CABIN1: variants seen among roughly 807,000 people sequenced by gnomAD.
CABIN1 encodes calcineurin binding protein 1.
In CABIN1, 133 loss-of-function variants were observed where a neutral mutation model predicts 227.7. The observed-to-expected ratio is 0.58, with a 90% confidence interval of 0.51 to 0.67. The LOEUF (loss-of-function observed/expected upper bound fraction) is 0.67. Ranked by LOEUF, CABIN1 falls within the 30% of genes least tolerant of loss-of-function variation. CABIN1 has a pLI of 0.00. For missense variants in CABIN1, 2,408 were observed against 2,852.5 expected (o/e 0.84, Z 3.55); for synonymous variants, 1,086 against 1,155.1 (o/e 0.94, Z 1.21).
In CABIN1 at chr22:24,085,082, A is replaced by G; in HGVS notation, c.3194A>G (p.His1065Arg). 6.2e-7 allele frequency: 1 copy of G among 1,614,052 alleles called. No individual in the cohort carries two copies. Among genetic ancestry groups the G allele is most frequent in the Non-Finnish European group, 8.5e-7 (1 of 1,180,012 alleles). ...NELYYLLADYHFKNKEQSKAI... is the reference protein window; with the variant it reads ...NELYYLLADYRFKNKEQSKAI... Reference sequence around the variant, plus strand: ...CTTTACTACCTCCTGGCTGATTATCATTTCAAAAACAAGGAGCAGTCCAAG... The same window carrying G: ...CTTTACTACCTCCTGGCTGATTATCGTTTCAAAAACAAGGAGCAGTCCAAG... The change falls in exon 22 of 37, where the codon CAT becomes CGT. Residue 1065 changes from histidine to arginine, a missense_variant. Physicochemically the swap from His to Arg is conservative, Grantham distance 29 (BLOSUM62 0). Transcript: ENST00000263119.
rs2041868964 is a variant in CABIN1, at chr22:24,095,974, A to T, written c.3830A>T (p.Lys1277Met). 6.2e-7 allele frequency: 1 copy of T among 1,613,994 alleles called. No homozygotes were observed. Among genetic ancestry groups the T allele is most frequent in the Non-Finnish European group, 8.5e-7 (1 of 1,180,010 alleles). ...GCTTCCATCCTGAAGCTCCTGGGGA[A>T]GCCCGATTCTGGGGTTGGTGCAGAG... Reference protein sequence around the residue: ...LHASILKLLGKPDSGVGAEVL... With the variant: ...LHASILKLLGMPDSGVGAEVL... Residue 1277 changes from lysine (K) to methionine (M), a missense_variant, in exon 25 of 37, where the codon AAG becomes ATG. By Grantham distance (95) the Lys-to-Met change is moderately conservative. Coordinates refer to ENST00000263119, the MANE Select transcript of CABIN1 (RefSeq NM_012295.4).
intron 5 of CABIN1, among the ~76,000 whole-genome samples, chr22:24,041,726 A>G (rs1164976203): frequency 1.3e-5 from 2 of 152,258 alleles, no homozygotes; most frequent in Non-Finnish European, 2.9e-5. Flanking sequence ...TCATGTTACT[A>G]TCAGTCTGTC....
At chr22:24,018,222 C>T (rs2035447519) in intron 1 of CABIN1, among the ~76,000 whole-genome samples, 1 of 152,034 alleles carries the variant, frequency 6.6e-6, no homozygotes, top group South Asian at 2.1e-4. Context: ...GTATATGTTG[C>T]AAATATTTTC....
At chr22:24,041,904 G>A (rs769255491) in intron 5 of CABIN1, among the ~76,000 whole-genome samples, 1 of 152,114 alleles carries the variant, frequency 6.6e-6, no homozygotes. Context: ...GTGAACCAAG[G>A]TTTGTCTTCA....
chr22:24,078,230 G>T (rs2040569281), intron 19 of CABIN1, among the ~76,000 whole-genome samples: 1 of 152,116 alleles, frequency 6.6e-6, no homozygotes, highest in Non-Finnish European at 1.5e-5. Flanking sequence ...TGGGACCAGG[G>T]ACCTTTTCTG....
At position 24,062,067 on chromosome 22, in the gene CABIN1, A is replaced by G. The variant is rs530057248; in HGVS notation, c.1696+42A>G. 103 of 1,505,302 alleles carry G rather than the reference A, an allele frequency of 6.8e-5. 1 individual carries two copies. The Middle Eastern group carries it at 2.0e-3, about 30-fold the overall frequency. 93.2% of individuals were successfully genotyped at this position (1,505,302 alleles called of 1,614,324 possible). On this transcript the variant is annotated intron_variant, in intron 13 of 36. Coordinates refer to ENST00000263119, the MANE Select transcript of CABIN1 (RefSeq NM_012295.4). ...GTTCTGTGGCCAGGCTAATATCTGA[A>G]CCCCCAGCAGCTGGGAGAAAGCTGA...
chr22:24,091,229 G>T (rs2069765276), intron 23 of CABIN1, among the ~76,000 whole-genome samples: 1 of 152,216 alleles, frequency 6.6e-6, no homozygotes, highest in African/African-American at 2.4e-5. Flanking sequence ...CAGTGCCGTA[G>T]GGCTGGGTGC....
Position 24,011,879 on chromosome 22 carries a change from C to T in CABIN1, c.-75+512C>T, listed in dbSNP as rs145903905. Among the ~76,000 whole-genome samples the T allele has an allele frequency of 8.0e-3, 1,212 of 152,342 alleles. 6 individuals carry two copies. Among genetic ancestry groups the T allele is most frequent in the South Asian group, 0.014 (70 of 4,828 alleles). Reference sequence around the variant, plus strand: ...TCACTGCCTCCCCGCAAGAGGCGGGCCCTGGCCAGATGGAACTCACCTGGC... The same window carrying T: ...TCACTGCCTCCCCGCAAGAGGCGGGTCCTGGCCAGATGGAACTCACCTGGC... On this transcript the variant is annotated intron_variant, in intron 1 of 36. Transcript: ENST00000263119.
chr22:24,117,975 G>A (rs1474508910), intron 27 of CABIN1, among the ~76,000 whole-genome samples: 4 of 152,230 alleles, frequency 2.6e-5, no homozygotes, highest in African/African-American at 9.7e-5. Flanking sequence ...GTGGGACGCA[G>A]GCAACTTCTT....
At chr22:24,034,790 G>A (rs1569097838) in intron 1 of CABIN1, among the ~76,000 whole-genome samples, 1 of 152,210 alleles carries the variant, frequency 6.6e-6, no homozygotes, top group Non-Finnish European at 1.5e-5. Flanking sequence ...CTTCAGACTA[G>A]TCTGCCTATC....
chr22:24,035,581 G>A, intron 2 of CABIN1, 61 bp downstream of exon 2: 1 of 1,600,660 alleles, frequency 6.2e-7, no homozygotes, highest in Non-Finnish European at 8.6e-7. Flanking sequence ...GTTACTCCTG[G>A]GGGCGAGGGG....
intron 1 of CABIN1, among the ~76,000 whole-genome samples, chr22:24,019,952 T>G (rs2035603111): frequency 6.6e-6 from 1 of 152,036 alleles, no homozygotes; most frequent in Non-Finnish European, 1.5e-5. Context: ...TCACTGTGCT[T>G]GGCCTTTACC....
At chr22:24,098,697 T>C (rs1308351039) in intron 26 of CABIN1, among the ~76,000 whole-genome samples, 1 of 152,162 alleles carries the variant, frequency 6.6e-6, no homozygotes, top group Admixed American at 6.5e-5. Flanking sequence ...TGGGACCATA[T>C]GTGTGGCCAT....
rs771030722 is a variant in CABIN1 at position 24,098,073 on chromosome 22, C to T, written c.3998C>T (p.Pro1333Leu). The change falls in exon 26 of 37, where the codon CCC becomes CTC. Residue 1333 changes from proline to leucine, a missense_variant. By Grantham distance (98) the Pro-to-Leu change is moderately conservative (BLOSUM62 -3). This residue lies in a region of CABIN1 where 649 missense variants were observed against 910.3 expected (regional missense o/e 0.71). Transcript: ENST00000263119. ...SHSSAGTLPG[P>L]GASLPSSSGP... ...TCTTCAGCTGGGACACTGCCGGGCC[C>T]CGGAGCCTCCCTCCCCTCCTCCTCT... The T allele has an allele frequency of 1.9e-6, 3 of 1,614,156 alleles. No individual in the cohort carries two copies. Among genetic ancestry groups the T allele is most frequent in the Admixed American group, 3.3e-5 (2 of 60,030 alleles).
chr22:24,077,023 G>A (rs2040490484), intron 19 of CABIN1, among the ~76,000 whole-genome samples: 1 of 152,232 alleles, frequency 6.6e-6, no homozygotes, highest in African/African-American at 2.4e-5. Flanking sequence ...TTGCAGTAGA[G>A]TGGCAGAGTG....
At position 24,165,226 on chromosome 22, in the gene CABIN1, C is replaced by G. The variant is rs546770103; in HGVS notation, c.4911-304C>G. 2.1e-3 allele frequency among the ~76,000 whole-genome samples: 318 copies of G among 152,342 alleles called. 1 individual carries two copies. The highest frequency in any genetic ancestry group is 6.8e-3 in the Middle Eastern group (2 of 294). On this transcript the variant is annotated intron_variant, in intron 30 of 36. Coordinates refer to ENST00000263119, the MANE Select transcript of CABIN1 (RefSeq NM_012295.4). ...GAGTTCAGGGGCCTCCAGCTGGGGCCTGGGGCACCCTGGAGCCAGACCTGA... is the reference window on the plus strand; with the variant it reads ...GAGTTCAGGGGCCTCCAGCTGGGGCGTGGGGCACCCTGGAGCCAGACCTGA...
rs532619939 is a variant in CABIN1, at chr22:24,072,401, C to T, written c.2523C>T (p.His841=). ...TGCAGGAGGAGGCCAAGGAGCCCCACGTCTCTTCAGTGCTACCCTGGATCA... is the reference window on the plus strand; with the variant it reads ...TGCAGGAGGAGGCCAAGGAGCCCCATGTCTCTTCAGTGCTACCCTGGATCA... ...MAVQEEAKEP[H]VSSVLPWIIL... The change falls in exon 18 of 37, where the codon CAC becomes CAT. Residue 841 remains histidine, a synonymous_variant. Transcript: ENST00000263119. The T allele has an allele frequency of 9.9e-6, 16 of 1,614,136 alleles. No individual in the cohort carries two copies. In the South Asian group the frequency reaches 1.1e-4, roughly 11 times the overall value.
In CABIN1 at chr22:24,063,095, G is replaced by A; in HGVS notation, c.1833G>A (p.Leu611=). The change falls in exon 14 of 37, where the codon CTG becomes CTA. Residue 611 remains leucine, a synonymous_variant. Coordinates refer to ENST00000263119, the MANE Select transcript of CABIN1 (RefSeq NM_012295.4). The stretch of plus-strand genomic sequence containing the variant: ...GCGACCTGTTCGAGGATGGTTGGCT[G>A]GAGTTTGTGGTCCGTGTTTACTGGC... ...SQRDLFEDGW[L]EFVVRVYWLK... The A allele has an allele frequency of 6.2e-7, 1 of 1,614,186 alleles. No individual in the cohort carries two copies. The highest frequency in any genetic ancestry group is 8.5e-7 in the Non-Finnish European group (1 of 1,180,024).
At chr22:24,172,784 C>A (rs1305828701) in intron 34 of CABIN1, among the ~76,000 whole-genome samples, 1 of 152,196 alleles carries the variant, frequency 6.6e-6, no homozygotes, top group Non-Finnish European at 1.5e-5. Flanking sequence ...ATCCCCCTCG[C>A]TGGTCCTGAC....
Sources: gnomAD v4.1 joint callset for allele counts (sites outside exome capture counted in the v4.1 genomes callset) on GRCh38, gnomAD v4.1.1 for gene constraint, gnomAD v4.1.1 regional missense constraint, MANE v1.5 for transcripts, NCBI Gene and HGNC (gene_info 2026-07-23, HGNC 2026-07-21) for gene names.